The following AATK variants were observed in gnomAD, a reference collection of about 807,000 sequenced individuals.
AATK encodes the protein serine/threonine-protein kinase LMTK1.
In AATK, 91 loss-of-function variants were observed where a neutral mutation model predicts 114.3. The ratio of observed to expected loss-of-function variants is 0.80; its 90% CI spans 0.67 to 0.95. The LOEUF is 0.95. Ranked by LOEUF, AATK falls within the 40% of genes least tolerant of loss-of-function variation. The pLI, the probability that AATK is intolerant of heterozygous loss-of-function variation, is 0.00. For missense variants in AATK, 2,176 were observed against 1,965.2 expected (o/e 1.11, Z -2.03); for synonymous variants, 1,075 against 916.5 (o/e 1.17, Z -3.12).
intron 9 of AATK, among the ~76,000 whole-genome samples, chr17:81,124,376 C>G (rs4969394): frequency 6.6e-6 from 1 of 152,002 alleles, no homozygotes; most frequent in Non-Finnish European, 1.5e-5. Flanking sequence ...TGGCACGGCC[C>G]GACCTACGCT....
intron 1 of AATK, among the ~76,000 whole-genome samples, chr17:81,140,548 G>C (rs994763687): frequency 2.0e-5 from 3 of 150,786 alleles, no homozygotes; most frequent in Admixed American, 2.0e-4. Flanking sequence ...GGGGCCATTA[G>C]CCCGGATTGC....
intron 1 of AATK, among the ~76,000 whole-genome samples, chr17:81,148,808 ACGCGCACACT>A (rs2061257261): frequency 6.8e-6 from 1 of 147,100 alleles, no homozygotes; most frequent in Non-Finnish European, 1.5e-5. Context: ...GCACACACTC[ACGCGCACACT>A]CACGCACACA....
At chr17:81,118,878 G>A (rs953147702) in intron 13 of AATK, among the ~76,000 whole-genome samples, 1 of 152,230 alleles carries the variant, frequency 6.6e-6, no homozygotes, top group South Asian at 2.1e-4. Flanking sequence ...CACTTGTCAG[G>A]CACGTGGGCA....
At chr17:81,138,970 CA>C (rs369130811) in intron 1 of AATK, among the ~76,000 whole-genome samples, 3 of 151,838 alleles carry the variant, frequency 2.0e-5, no homozygotes, top group Middle Eastern at 6.8e-3. Flanking sequence ...CGTGCGCGCG[CA>C]CCCACACCCA....
In AATK at chr17:81,122,527, T is replaced by C; in HGVS notation, c.1409A>G (p.Glu470Gly). ...CTCAAAATTGAGGCCTCGGCTGGTC[T>C]CGGTCACCGTCAGCACGTCGTCGCC... Reference protein sequence around the residue: ...ADGDDVLTVTETSRGLNFEYK... With the variant: ...ADGDDVLTVTGTSRGLNFEYK... Residue 470 changes from glutamate to glycine, a missense_variant, in exon 11 of 14, where the codon GAG becomes GGG. Physicochemically the swap from Glu to Gly is moderately conservative, Grantham distance 98. Transcript: ENST00000326724. The C allele has an allele frequency of 6.8e-7, 1 of 1,480,800 alleles. No homozygotes were observed. Among genetic ancestry groups the C allele is most frequent in the Admixed American group, 2.1e-5 (1 of 46,568 alleles). 91.7% of individuals were successfully genotyped at this position (1,480,800 alleles called of 1,614,324 possible).
At chr17:81,119,151 T>TCAGGTGAGGGC (rs1568215456) in intron 13 of AATK, among the ~76,000 whole-genome samples, 2 of 16,562 alleles carry the variant, frequency 1.2e-4, no homozygotes, top group African/African-American at 3.2e-4. Context: ...CAGGTGAGGG[T>TCAGGTGAGGGC]CAGGTGAGGG....
intron 9 of AATK, 135 bp from the exon 10 acceptor site, chr17:81,123,478 C>T: frequency 1.3e-6 from 1 of 763,470 alleles, no homozygotes. Flanking sequence ...GGTACCATAC[C>T]AGCCGCCCCT....
chr17:81,163,655 G>A (rs935423590), intron 1 of AATK, among the ~76,000 whole-genome samples: 1 of 152,234 alleles, frequency 6.6e-6, no homozygotes, highest in Non-Finnish European at 1.5e-5. Context: ...CTCCTGGGCC[G>A]GGTGCCCCCT....
At chr17:81,125,311 GCCGGAA>G (rs2060792883) in intron 7 of AATK, 1 of 736,240 alleles carries the variant, frequency 1.4e-6, no homozygotes, top group African/African-American at 1.7e-5. Context: ...GTGAGAACCT[GCCGGAA>G]CCCACCCGGA....
chr17:81,125,499 G>A (rs1048940911), intron 7 of AATK: 7 of 353,534 alleles, frequency 2.0e-5, no homozygotes, highest in African/African-American at 1.1e-4. Context: ...ACTCAGAGCT[G>A]GAGCTCACTC....
At chr17:81,150,646 C>G (rs1270102837) in intron 1 of AATK, among the ~76,000 whole-genome samples, 1 of 151,778 alleles carries the variant, frequency 6.6e-6, no homozygotes, top group Admixed American at 6.5e-5. Context: ...TCCAATGTCT[C>G]TGGGGACCTG....
At chr17:81,130,270 A>T (rs892069292) in intron 3 of AATK, among the ~76,000 whole-genome samples, 5 of 152,158 alleles carry the variant, frequency 3.3e-5, no homozygotes, top group African/African-American at 1.2e-4. Flanking sequence ...GGGAAGCCTC[A>T]GGCTGGAAGC....
At chr17:81,130,639 G>C (rs2146323804) in intron 3 of AATK, among the ~76,000 whole-genome samples, 1 of 152,268 alleles carries the variant, frequency 6.6e-6, no homozygotes, top group African/African-American at 2.4e-5. Context: ...CAGGAATCTG[G>C]GGTCAAGCAT....
chr17:81,140,679 G>GAGGCCGT (rs2061111391), intron 1 of AATK, among the ~76,000 whole-genome samples: 1 of 141,508 alleles, frequency 7.1e-6, no homozygotes, highest in African/African-American at 2.5e-5. Context: ...TGGGGACCAT[G>GAGGCCGT]GGGCCGTGGG....
In AATK at chr17:81,145,434, G is replaced by A. The variant is rs555116950; in HGVS notation, c.56-10933C>T. On this transcript the variant is annotated intron_variant, in intron 1 of 13. Coordinates refer to ENST00000326724, the MANE Select transcript of AATK (RefSeq NM_001080395.3). ...AGAAAATATTGAAGGCTTTGGCTCC[G>A]TAAAAATGTCTGTTCCGGCTGGGCA... is the stretch of plus-strand genomic sequence containing the variant. Among the ~76,000 whole-genome samples, 16 of 151,742 alleles carry A rather than the reference G, an allele frequency of 1.1e-4. No homozygotes were observed. The South Asian group carries it at 3.1e-3, about 30-fold the overall frequency.
chr17:81,144,783 G>T (rs367905257), intron 1 of AATK, among the ~76,000 whole-genome samples: 86 of 152,190 alleles, frequency 5.7e-4, no homozygotes, highest in Non-Finnish European at 1.1e-3. Flanking sequence ...TGAAGCTCCC[G>T]GGTGAAAGAA....
chr17:81,122,041 G>T lies in AATK; in HGVS notation c.1895C>A (p.Ala632Asp), dbSNP rs200822708. ...GGAEDADWGV[A>D]AFCPAFFEDP... is the part of the protein sequence containing the mutation. ...CTCGAAGAAGGCAGGACAGAAGGCG[G>T]CCACGCCCCAGTCTGCATCCTCCGC... The change falls in exon 11 of 14, where the codon GCC (alanine) becomes GAC (aspartate). Residue 632 changes from alanine to aspartate, a missense_variant. Ala to Asp is a moderately radical substitution (Grantham distance 126, BLOSUM62 -2). Around this residue, in one of 4 missense-constraint regions of AATK, gnomAD observed 1,701 missense variants for 1,394.7 expected, o/e 1.22. Coordinates refer to ENST00000326724, the MANE Select transcript of AATK (RefSeq NM_001080395.3). The T allele has an allele frequency of 1.1e-3, 1,717 of 1,598,168 alleles. 2 individuals are homozygous for T. The highest frequency in any genetic ancestry group is 1.2e-3 in the Non-Finnish European group (1,437 of 1,178,734).
chr17:81,140,674 A>C lies in AATK; in HGVS notation c.56-6173T>G, dbSNP rs1598948807. ...GCCGGGGGACCGTGGGGCCGTGGGG[A>C]CCATGGGGCCGTGGGGCCGTTGAGC... On this transcript the variant is annotated intron_variant, in intron 1 of 13. Coordinates refer to ENST00000326724, the MANE Select transcript of AATK (RefSeq NM_001080395.3). Among the ~76,000 whole-genome samples, 15 of 76,664 alleles carry C rather than the reference A, an allele frequency of 2.0e-4. No homozygotes were observed. The South Asian group carries it at 5.0e-3, about 26-fold the overall frequency. 50.3% of individuals were successfully genotyped at this position (76,664 alleles called of 152,430 possible). A position where few individuals can be genotyped will look rare whatever the true frequency, so the allele number is the denominator to read the frequency against.
intron 3 of AATK, among the ~76,000 whole-genome samples, chr17:81,129,912 C>T (rs931320080): frequency 3.3e-5 from 5 of 152,214 alleles, no homozygotes; most frequent in African/African-American, 9.6e-5. Context: ...TGATTCCTGC[C>T]GAACTGGGAA....
Sources: gnomAD v4.1 joint callset for allele counts (sites outside exome capture counted in the v4.1 genomes callset) on GRCh38, gnomAD v4.1.1 for gene constraint, gnomAD v4.1.1 regional missense constraint, MANE v1.5 for transcripts, NCBI Gene and HGNC (gene_info 2026-07-23, HGNC 2026-07-21) for gene names.